Variants in ZDHHC7 observed in about 807,000 individuals in gnomAD.
The protein encoded by ZDHHC7 is palmitoyltransferase ZDHHC7.
In ZDHHC7, 12 loss-of-function variants were observed where a neutral mutation model predicts 34.1. That is an observed-to-expected ratio of 0.35 (90% CI 0.23 to 0.57). The LOEUF is 0.57. Ranked by LOEUF, ZDHHC7 falls within the 20% of genes least tolerant of loss-of-function variation. The pLI is 0.84. For synonymous variants in ZDHHC7, 185 were observed against 155.4 expected (o/e 1.19, Z -1.42); for missense variants, 388 against 402.7 (o/e 0.96, Z 0.31).
At position 84,976,303 on chromosome 16, in the gene ZDHHC7, T is replaced by A. The variant is rs778124433; in HGVS notation, c.*40A>T. The A allele has an allele frequency of 9.3e-6, 15 of 1,607,980 alleles. No homozygotes were observed. Among genetic ancestry groups the A allele is most frequent in the Non-Finnish European group, 1.3e-5 (15 of 1,178,564 alleles). ...ATCCTTCAGACCCCAAATAAATAAC[T>A]GGAAGTCTGTGAGCAAGTTTCAGTC... On this transcript the variant is annotated 3_prime_UTR_variant, in exon 8 of 8. Coordinates refer to ENST00000313732, the MANE Select transcript of ZDHHC7 (RefSeq NM_017740.3).
Position 84,976,292 on chromosome 16 carries a change from A to C in ZDHHC7, c.*51T>G, listed in dbSNP as rs1407492544. 1.2e-6 allele frequency: 2 copies of C among 1,605,872 alleles called. No individual in the cohort carries two copies. Among genetic ancestry groups the C allele is most frequent in the East Asian group, 4.5e-5 (2 of 44,836 alleles). ...GAGCTGTTGATATCCTTCAGACCCC[A>C]AATAAATAACTGGAAGTCTGTGAGC... On this transcript the variant is annotated 3_prime_UTR_variant, in exon 8 of 8. Transcript: ENST00000313732.
At chr16:85,000,206 C>G (rs1362861231) in intron 1 of ZDHHC7, among the ~76,000 whole-genome samples, 1 of 152,016 alleles carries the variant, frequency 6.6e-6, no homozygotes, top group Non-Finnish European at 1.5e-5. Flanking sequence ...AAAACATGAG[C>G]AGGAGAAAAA....
In ZDHHC7 at chr16:84,974,584, A is replaced by G. The variant is rs537579627; in HGVS notation, c.*1759T>C. The G allele has an allele frequency of 2.0e-4, 31 of 152,792 alleles. No individual in the cohort carries two copies. Among genetic ancestry groups the G allele is most frequent in the African/African-American group, 7.5e-4 (31 of 41,584 alleles). 9.5% of individuals were successfully genotyped at this position (152,792 alleles called of 1,614,324 possible). A position where few individuals can be genotyped will look rare whatever the true frequency, so the allele number is the denominator to read the frequency against. The stretch of plus-strand genomic sequence containing the variant: ...TCTCACAGGATTCAACCACTTGGAT[A>G]ATTGTTTTATTGATAACAGGATATA... On this transcript the variant is annotated 3_prime_UTR_variant, in exon 8 of 8. Coordinates refer to ENST00000313732, the MANE Select transcript of ZDHHC7 (RefSeq NM_017740.3).
chr16:85,023,879 G>A, the ZDHHC7 span, among the ~76,000 whole-genome samples: 3 of 152,050 alleles, frequency 2.0e-5, no homozygotes, highest in African/African-American at 2.4e-5. Flanking sequence ...GCCTCCCAAA[G>A]TGCTGGGATT....
chr16:85,008,751 G>GA (rs34299642), intron 1 of ZDHHC7, among the ~76,000 whole-genome samples: 23 of 146,908 alleles, frequency 1.6e-4, no homozygotes, highest in Admixed American at 2.0e-4. Flanking sequence ...AGGGTTTGAA[G>GA]AAAAAAAAAA....
intron 4 of ZDHHC7, 45 bp downstream of exon 4, chr16:84,981,825 C>A (rs1461270869): frequency 6.2e-7 from 1 of 1,612,620 alleles, no homozygotes; most frequent in Admixed American, 1.7e-5. Context: ...GCACACGTAC[C>A]CGCAGTGGCG....
At chr16:84,982,025 G>T in intron 3 of ZDHHC7, 31 bp from the exon 4 acceptor site, 1 of 1,612,968 alleles carries the variant, frequency 6.2e-7, no homozygotes, top group South Asian at 1.1e-5. Flanking sequence ...ACTTTAGTTG[G>T]GGAGAATGAA....
At chr16:85,021,161 C>G in the ZDHHC7 span, among the ~76,000 whole-genome samples, 2 of 151,852 alleles carry the variant, frequency 1.3e-5, no homozygotes, top group Non-Finnish European at 2.9e-5. Context: ...CACCTGTAAT[C>G]CCAGCACTTT....
chr16:85,026,652 T>A, the ZDHHC7 span, among the ~76,000 whole-genome samples: 1 of 151,448 alleles, frequency 6.6e-6, no homozygotes, highest in Admixed American at 6.6e-5. Flanking sequence ...TCGATCCATA[T>A]GTCATCTTTT....
At chr16:85,009,701 CTTTTTTTCTTTTTT>C (rs2143763483) in intron 1 of ZDHHC7, among the ~76,000 whole-genome samples, 1 of 132,314 alleles carries the variant, frequency 7.6e-6, no homozygotes, top group African/African-American at 2.9e-5. Flanking sequence ...CAAGTTCTGA[CTTTTTTTCTTTTTT>C]TTTTTTTTTT....
At chr16:84,981,117 C>G (rs2072362382) in intron 4 of ZDHHC7, among the ~76,000 whole-genome samples, 2 of 152,120 alleles carry the variant, frequency 1.3e-5, no homozygotes, top group Admixed American at 6.6e-5. Context: ...AGAAATACAC[C>G]CAGACATTCA....
chr16:85,018,494 C>A, the ZDHHC7 span, among the ~76,000 whole-genome samples: 4 of 151,220 alleles, frequency 2.6e-5, no homozygotes, highest in Admixed American at 2.0e-4. Flanking sequence ...GTTGCCCAGG[C>A]TAGAGTGCAA....
Position 84,975,428 on chromosome 16 carries a change from AC to A in ZDHHC7, c.*914del, listed in dbSNP as rs2143523662. On this transcript the variant is annotated 3_prime_UTR_variant, in exon 8 of 8. Transcript: ENST00000313732. The stretch of plus-strand genomic sequence containing the variant: ...CTGCTCTTACCTAGGTGCCATTTAT[AC>A]ACTGCTAATTTGGCTGGAACAAAAA... 1 of 151,968 alleles carries A rather than the reference AC, an allele frequency of 6.6e-6. No individual in the cohort carries two copies. The highest frequency in any genetic ancestry group is 6.6e-5 in the Admixed American group (1 of 15,184). 9.4% of individuals were successfully genotyped at this position (151,968 alleles called of 1,614,324 possible).
intron 3 of ZDHHC7, among the ~76,000 whole-genome samples, chr16:84,982,344 CAA>C (rs34800588): frequency 9.9e-5 from 11 of 111,204 alleles, no homozygotes; most frequent in Admixed American, 3.8e-4. Flanking sequence ...GACTCCATCT[CAA>C]AAAAAAAAAA....
chr16:84,988,839 G>A (rs2072471600), intron 3 of ZDHHC7: 1 of 1,551,692 alleles, frequency 6.4e-7, no homozygotes, highest in South Asian at 1.2e-5. Flanking sequence ...AGTTTTCACT[G>A]TGCAGGCAGA....
the ZDHHC7 span, among the ~76,000 whole-genome samples, chr16:85,023,715 C>G: frequency 6.6e-6 from 1 of 152,028 alleles, no homozygotes; most frequent in African/African-American, 2.4e-5. Flanking sequence ...ACCTCCCAGG[C>G]TCAAGCAACC....
intron 5 of ZDHHC7, chr16:84,978,243 G>A (rs1329888885): frequency 5.6e-6 from 2 of 355,470 alleles, no homozygotes; most frequent in Non-Finnish European, 1.0e-5. Flanking sequence ...ATGTTGGCCA[G>A]GCTGGTCTGT....
the ZDHHC7 span, among the ~76,000 whole-genome samples, chr16:85,024,044 A>C: frequency 6.6e-6 from 1 of 151,930 alleles, no homozygotes. Flanking sequence ...CAGATTCCCA[A>C]GTAGCTGAGA....
At chr16:84,995,736 C>T (rs2072568576) in intron 2 of ZDHHC7, among the ~76,000 whole-genome samples, 186 bp downstream of exon 2, 1 of 152,212 alleles carries the variant, frequency 6.6e-6, no homozygotes, top group Non-Finnish European at 1.5e-5. Flanking sequence ...TTCATGGAGT[C>T]CCCTCCACAG....
Sources: gnomAD v4.1 joint callset for allele counts (sites outside exome capture counted in the v4.1 genomes callset) on GRCh38, gnomAD v4.1.1 for gene constraint, MANE v1.5 for transcripts, NCBI Gene and HGNC (gene_info 2026-07-23, HGNC 2026-07-21) for gene names.